The following PACRG variants were observed in gnomAD, a reference collection of about 807,000 sequenced individuals.
PACRG encodes the protein parkin coregulated gene protein.
PACRG carries 29 observed loss-of-function variants against 29.7 expected under a neutral mutation model. That is an observed-to-expected ratio of 0.98 (90% CI 0.73 to 1.33). PACRG has a LOEUF of 1.33. Among genes scored for constraint, PACRG ranks in the 40% most tolerant of loss-of-function variants. PACRG has a pLI of 0.00. For missense variants in PACRG, 279 were observed against 316.2 expected, an observed-to-expected ratio of 0.88 and a Z score of 0.89; for synonymous variants, 116 against 118.7, an observed-to-expected ratio of 0.98 and a Z score of 0.15.
At chr6:163,162,543 C>T (rs568322228) in intron 4 of PACRG, among the ~76,000 whole-genome samples, 2 of 152,362 alleles carry the variant, frequency 1.3e-5, no homozygotes, top group East Asian at 3.9e-4. Context: ...AGAGAACAGC[C>T]TCTGGATTGG....
At chr6:163,045,657 C>T (rs1430008766) in intron 2 of PACRG, among the ~76,000 whole-genome samples, 2 of 131,128 alleles carry the variant, frequency 1.5e-5, no homozygotes, top group Admixed American at 8.9e-5. Flanking sequence ...GAGTCTCGCT[C>T]TGTCCCCCAG....
chr6:163,263,952 T>C (rs1398284782), intron 4 of PACRG, among the ~76,000 whole-genome samples: 1 of 152,212 alleles, frequency 6.6e-6, no homozygotes, highest in Non-Finnish European at 1.5e-5. Flanking sequence ...ATGTAAATAT[T>C]TTGCAATTTC....
intron 2 of PACRG, among the ~76,000 whole-genome samples, chr6:162,852,136 A>G (rs141189278): frequency 1.5e-3 from 221 of 152,334 alleles, no homozygotes; most frequent in Admixed American, 3.0e-3. Flanking sequence ...CTTGTCCACA[A>G]GTAAATCTGA....
chr6:163,233,720 G>T (rs1402496945), intron 4 of PACRG, among the ~76,000 whole-genome samples: 1 of 152,142 alleles, frequency 6.6e-6, no homozygotes, highest in Non-Finnish European at 1.5e-5. Flanking sequence ...AAATATTGAA[G>T]ACATATAAAG....
At chr6:162,740,074 T>C (rs1780459968) in intron 1 of PACRG, among the ~76,000 whole-genome samples, 1 of 152,176 alleles carries the variant, frequency 6.6e-6, no homozygotes. Context: ...CTCTGTATTA[T>C]GTCCCATTAG....
At chr6:163,014,942 C>T (rs547149110) in intron 2 of PACRG, among the ~76,000 whole-genome samples, 28 of 152,180 alleles carry the variant, frequency 1.8e-4, no homozygotes, top group Non-Finnish European at 3.5e-4. Flanking sequence ...TCCAAAATGA[C>T]ATTTCCTACA....
At chr6:162,817,027 G>A (rs184078311) in intron 2 of PACRG, among the ~76,000 whole-genome samples, 1 of 152,288 alleles carries the variant, frequency 6.6e-6, no homozygotes, top group African/African-American at 2.4e-5. Context: ...GAGACTCCAA[G>A]TGGACTTGTG....
intron 3 of PACRG, among the ~76,000 whole-genome samples, chr6:163,070,084 G>A (rs1375143674): frequency 6.6e-6 from 1 of 152,044 alleles, no homozygotes; most frequent in Non-Finnish European, 1.5e-5. Context: ...AAATATGAGG[G>A]AGAAGTGAAG....
At chr6:162,943,794 G>A (rs1798804169) in intron 2 of PACRG, among the ~76,000 whole-genome samples, 1 of 152,134 alleles carries the variant, frequency 6.6e-6, no homozygotes, top group South Asian at 2.1e-4. Context: ...ACCACAGCTG[G>A]CACCCACCTA....
intron 4 of PACRG, chr6:163,189,900 T>C (rs1162349019): frequency 1.3e-5 from 2 of 152,202 alleles, no homozygotes; most frequent in African/African-American, 4.8e-5. Context: ...TAGTTCATGC[T>C]TGCACGGGCA....
At chr6:162,947,636 A>ATG (rs1799333306) in intron 2 of PACRG, among the ~76,000 whole-genome samples, 4 of 79,680 alleles carry the variant, frequency 5.0e-5, no homozygotes, top group Non-Finnish European at 7.2e-5. Context: ...ATATATATAT[A>ATG]TATATATATA....
intron 4 of PACRG, among the ~76,000 whole-genome samples, chr6:163,175,411 C>T (rs61644235): frequency 0.31 from 46,744 of 151,318 alleles, 7,516 homozygotes; most frequent in East Asian, 0.46. Context: ...GGTTGGCTTG[C>T]GGGGGAGTGG....
intron 2 of PACRG, among the ~76,000 whole-genome samples, chr6:163,012,800 C>T (rs928095113): frequency 5.9e-5 from 9 of 152,194 alleles, no homozygotes; most frequent in African/African-American, 1.9e-4. Context: ...GCACCATCTC[C>T]GCTTCACCTT....
intron 4 of PACRG, among the ~76,000 whole-genome samples, chr6:163,159,723 G>T (rs1179054051): frequency 1.3e-5 from 2 of 152,076 alleles, no homozygotes; most frequent in Non-Finnish European, 2.9e-5. Context: ...TAAGGGTGTC[G>T]AGTGTTCTCT....
intron 4 of PACRG, among the ~76,000 whole-genome samples, chr6:163,120,464 A>G (rs1448282901): frequency 6.6e-6 from 1 of 152,084 alleles, no homozygotes; most frequent in African/African-American, 2.4e-5. Context: ...ATCCTATTAG[A>G]GTTTGAAGGC....
chr6:163,262,433 G>A (rs113103389), intron 4 of PACRG, among the ~76,000 whole-genome samples: 1 of 152,166 alleles, frequency 6.6e-6, no homozygotes, highest in Admixed American at 6.5e-5. Context: ...GAAAATCTTT[G>A]TGTAAATTCA....
At chr6:162,799,179 A>T (rs1785634071) in intron 1 of PACRG, among the ~76,000 whole-genome samples, 1 of 152,316 alleles carries the variant, frequency 6.6e-6, no homozygotes, top group South Asian at 2.1e-4. Flanking sequence ...AGCTTTCACA[A>T]ATGAAGATTT....
chr6:162,777,587 ATCC>A lies in PACRG; in HGVS notation c.157-36557_157-36555del, dbSNP rs1783748874. Among the ~76,000 whole-genome samples, 1 of 152,086 alleles carries A rather than the reference ATCC, an allele frequency of 6.6e-6. No homozygotes were observed. The highest frequency in any genetic ancestry group is 2.4e-5 in the African/African-American group (1 of 41,398). ...ATTAGTTTTTTAATCACAGCCTCCT[ATCC>A]TCAAGTTCTAGGTAAAATTGCCAAA... On this transcript the variant is annotated intron_variant, in intron 1 of 4. Coordinates refer to ENST00000366888, the MANE Select transcript of PACRG (RefSeq NM_001080379.2). The surrounding 1 kb of genome is among the most constrained non-coding windows in gnomAD (Gnocchi z 4.0).
chr6:163,040,718 G>A (rs1217754778), intron 2 of PACRG, among the ~76,000 whole-genome samples: 1 of 152,128 alleles, frequency 6.6e-6, no homozygotes, highest in Admixed American at 6.5e-5. Flanking sequence ...ACTTTCATGG[G>A]GCCTGTGGCT....
Sources: gnomAD v4.1 joint callset for allele counts (sites outside exome capture counted in the v4.1 genomes callset) on GRCh38, gnomAD v4.1.1 for gene constraint, Gnocchi (gnomAD v3.1) non-coding constraint, MANE v1.5 for transcripts, NCBI Gene and HGNC (gene_info 2026-07-23, HGNC 2026-07-21) for gene names.